ABCB4: variants seen among roughly 807,000 people sequenced by gnomAD.
The protein encoded by ABCB4 is phosphatidylcholine translocator ABCB4.
A neutral mutation model predicts 145.7 loss-of-function variants in ABCB4; 76 were observed. That is an observed-to-expected ratio of 0.52 (90% CI 0.43 to 0.63). The LOEUF is 0.63. Ranked by LOEUF, ABCB4 falls within the 30% of genes least tolerant of loss-of-function variation. ABCB4 has a pLI of 0.00. For synonymous variants in ABCB4, 517 were observed against 566.8 expected (o/e 0.91, Z 1.25); for missense variants, 1,234 against 1,553.1 (o/e 0.79, Z 3.45).
intron 15 of ABCB4, 129 bp downstream of exon 15, chr7:87,431,273 GAT>G: frequency 2.5e-6 from 3 of 1,190,994 alleles, no homozygotes; most frequent in Non-Finnish European, 3.7e-6. Flanking sequence ...TAAAGTCTCA[GAT>G]ATACACTTTT....
chr7:87,381,938 T>G, the ABCB4 span: 1 of 1,610,640 alleles, frequency 6.2e-7, no homozygotes, highest in Non-Finnish European at 8.5e-7. Context: ...ATGATTATGG[T>G]GAACATCAGT....
the ABCB4 span, among the ~76,000 whole-genome samples, chr7:87,376,736 A>T: frequency 3.3e-3 from 501 of 152,122 alleles, 5 homozygotes; most frequent in African/African-American, 0.011. Context: ...AGTTACAAAT[A>T]CATTTAGATT....
intron 8 of ABCB4, chr7:87,448,607 T>C (rs976752868): frequency 2.0e-5 from 3 of 152,228 alleles, no homozygotes; most frequent in Admixed American, 2.0e-4. Context: ...CACACTGTAA[T>C]TACCTTTGCT....
chr7:87,441,206 T>A (rs926142429), intron 12 of ABCB4, among the ~76,000 whole-genome samples: 5 of 152,252 alleles, frequency 3.3e-5, no homozygotes, highest in Non-Finnish European at 7.3e-5. Context: ...AATGACTGGA[T>A]TTGCTGGGCA....
At chr7:87,377,153 CT>C in the ABCB4 span, among the ~76,000 whole-genome samples, 1 of 152,062 alleles carries the variant, frequency 6.6e-6, no homozygotes, top group Non-Finnish European at 1.5e-5. Flanking sequence ...TGAGAAGCCC[CT>C]AAAGTCAGGG....
intron 3 of ABCB4, among the ~76,000 whole-genome samples, chr7:87,471,144 T>C (rs1011649576): frequency 6.7e-6 from 1 of 148,708 alleles, no homozygotes; most frequent in African/African-American, 2.5e-5. Flanking sequence ...ATGTTCTCAC[T>C]CACAGGTGGG....
chr7:87,472,650 T>C lies in ABCB4; in HGVS notation c.106A>G (p.Thr36Ala), dbSNP rs1246551644. The change falls in exon 3 of 28, where the codon ACA (threonine) becomes GCA (alanine). Residue 36 changes from threonine (T) to alanine (A), a missense_variant. Around this residue, in one of 7 missense-constraint regions of ABCB4, gnomAD observed 77 missense variants for 73.3 expected, o/e 1.05. Coordinates refer to ENST00000649586, the MANE Select transcript of ABCB4 (RefSeq NM_000443.4). ...GTTAATACTCCAATCATTTTCACTG[T>C]CTTCGTTTTTTTCCTTTTTTGTTTG... ...SSKQKRKKTK[T>A]VKMIGVLTLF... 6.2e-7 allele frequency: 1 copy of C among 1,609,732 alleles called. No individual in the cohort carries two copies.
intron 17 of ABCB4, 34 bp downstream of exon 17, chr7:87,423,872 A>G (rs1365807809): frequency 6.2e-7 from 1 of 1,613,430 alleles, no homozygotes; most frequent in Non-Finnish European, 8.5e-7. Context: ...GAATTGATCT[A>G]ATTCAGGCTG....
the ABCB4 span, among the ~76,000 whole-genome samples, chr7:87,378,346 CAAAAA>C: frequency 7.5e-6 from 1 of 132,890 alleles, no homozygotes. Context: ...ACTCCGACTC[CAAAAA>C]AAAAAAAAAA....
At chr7:87,382,151 C>T in the ABCB4 span, 3 of 1,612,890 alleles carry the variant, frequency 1.9e-6, no homozygotes, top group East Asian at 2.2e-5. Context: ...TAAATGACAT[C>T]AACCAAGCTA....
rs1389692481 is a variant in ABCB4 at position 87,406,322 on chromosome 7, G to C, written c.3452C>G (p.Ala1151Gly). The C allele has an allele frequency of 6.2e-7, 1 of 1,614,024 alleles. No homozygotes were observed. The highest frequency in any genetic ancestry group is 1.1e-5 in the South Asian group (1 of 91,066). Reference sequence around the variant, plus strand: ...CGTCTCGATGAAAGGATGTATGTTGGCAGCTTTGGCTGCACTCACAATTTC... The same window carrying C: ...CGTCTCGATGAAAGGATGTATGTTGCCAGCTTTGGCTGCACTCACAATTTC... ...QDEIVSAAKAANIHPFIETLP... is the reference protein window; with the variant it reads ...QDEIVSAAKAGNIHPFIETLP... Residue 1151 changes from alanine to glycine, a missense_variant, in exon 26 of 28, where the codon GCC becomes GGC. Physicochemically the swap from Ala to Gly is moderately conservative, Grantham distance 60. This residue lies in a region of ABCB4 where 301 missense variants were observed against 389.0 expected (regional missense o/e 0.77). Transcript: ENST00000649586.
chr7:87,401,392 C>G (rs963099471), downstream of ABCB4, among the ~76,000 whole-genome samples: 1 of 152,086 alleles, frequency 6.6e-6, no homozygotes, highest in Non-Finnish European at 1.5e-5. Context: ...AACGGATTTT[C>G]TGGGAAAAGT....
the ABCB4 span, among the ~76,000 whole-genome samples, chr7:87,378,217 G>A: frequency 7.2e-5 from 11 of 151,862 alleles, no homozygotes; most frequent in African/African-American, 2.4e-4. Flanking sequence ...GGTGTTGTGC[G>A]CCTGTGATCC....
At chr7:87,446,698 C>G (rs1273278044) in intron 9 of ABCB4, among the ~76,000 whole-genome samples, 1 of 152,104 alleles carries the variant, frequency 6.6e-6, no homozygotes, top group Non-Finnish European at 1.5e-5. Flanking sequence ...AATAATGATG[C>G]TTACTTTCTT....
the ABCB4 span, among the ~76,000 whole-genome samples, chr7:87,368,613 G>C: frequency 6.6e-6 from 1 of 152,148 alleles, no homozygotes; most frequent in African/African-American, 2.4e-5. Flanking sequence ...ACTTAATACT[G>C]ACCCGTAAAT....
chr7:87,432,336 A>G (rs1185651062), intron 14 of ABCB4, among the ~76,000 whole-genome samples: 1 of 152,222 alleles, frequency 6.6e-6, no homozygotes, highest in Non-Finnish European at 1.5e-5. Context: ...CAATAGCTTA[A>G]GATCACTCCT....
chr7:87,379,314 T>C, the ABCB4 span, among the ~76,000 whole-genome samples: 1 of 152,246 alleles, frequency 6.6e-6, no homozygotes. Flanking sequence ...CCTATTGTTA[T>C]ATATGTAACT....
chr7:87,427,819 G>A (rs1809944295), intron 15 of ABCB4, among the ~76,000 whole-genome samples: 1 of 152,024 alleles, frequency 6.6e-6, no homozygotes, highest in African/African-American at 2.4e-5. Flanking sequence ...ATATTGCCTT[G>A]AACCACATTG....
At position 87,417,422 on chromosome 7, in the gene ABCB4, G is replaced by A. The variant is rs1322175331; in HGVS notation, c.2572C>T (p.Leu858=). ...ISFIYGWQLT[L]LLLAVVPIIA... Reference sequence around the variant, plus strand: ...ATTGGAACAACTGCTAATAGCAATAGGGTTAACTGCCAACCGTAGATAAAT... The same window carrying A: ...ATTGGAACAACTGCTAATAGCAATAAGGTTAACTGCCAACCGTAGATAAAT... The change falls in exon 21 of 28, where the codon CTA becomes TTA. Residue 858 remains leucine (L), a synonymous_variant. Transcript: ENST00000649586. 6.2e-7 allele frequency: 1 copy of A among 1,613,992 alleles called. No homozygotes were observed. Among genetic ancestry groups the A allele is most frequent in the African/African-American group, 1.3e-5 (1 of 74,914 alleles).
Sources: gnomAD v4.1 joint callset for allele counts (sites outside exome capture counted in the v4.1 genomes callset) on GRCh38, gnomAD v4.1.1 for gene constraint, gnomAD v4.1.1 regional missense constraint, MANE v1.5 for transcripts, NCBI Gene and HGNC (gene_info 2026-07-23, HGNC 2026-07-21) for gene names.